The following WNT9B variants were observed in gnomAD, a reference collection of about 807,000 sequenced individuals.
WNT9B encodes the protein Wnt family member 9B, also known as protein Wnt-9b.
Under a neutral mutation model 30.2 loss-of-function variants are expected in WNT9B, and 12 were observed. That is an observed-to-expected ratio of 0.40 (90% confidence interval 0.26 to 0.64). The LOEUF (loss-of-function observed/expected upper bound fraction) is 0.64. Among genes scored for constraint, WNT9B ranks in the 30% least tolerant of loss-of-function variants. The pLI, the probability that WNT9B is intolerant of heterozygous loss-of-function variation, is 0.42. For missense variants in WNT9B, 442 were observed against 485.2 expected, an observed-to-expected ratio of 0.91 and a Z score of 0.84; for synonymous variants, 218 against 216.9, an observed-to-expected ratio of 1.01 and a Z score of -0.05.
exon 1 of WNT9B, chr17:46,833,357 G>C (rs761691158): frequency 4.2e-5 from 22 of 518,372 alleles, no homozygotes; most frequent in African/African-American, 7.7e-5. Context: ...TGAAAGGACG[G>C]GCAGTTTCTT....
At position 46,844,107 on chromosome 17, in the gene WNT9B, CA is replaced by C. The variant is rs533864082; in HGVS notation, c.95+10669del. 6.7e-3 allele frequency among the ~76,000 whole-genome samples: 1,025 copies of C among 152,168 alleles called. 15 individuals are homozygous for C. The highest frequency in any genetic ancestry group is 0.011 in the Non-Finnish European group (754 of 68,016). On this transcript the variant is annotated intron_variant, in intron 1 of 2. Transcript: ENST00000575372. ...TAGCTGGGACTACAGGCATGTGCCA[CA>C]ATGCCTGGCTAATTTTTTTTTTCTT... is the stretch of plus-strand genomic sequence containing the variant.
chr17:46,858,951 G>T (rs990347019), intron 1 of WNT9B, among the ~76,000 whole-genome samples: 1 of 151,156 alleles, frequency 6.6e-6, no homozygotes, highest in Non-Finnish European at 1.5e-5. Context: ...ATTGGCATGA[G>T]CCACAGCTAG....
At chr17:46,869,073 T>C (rs542255821) in intron 1 of WNT9B, among the ~76,000 whole-genome samples, 1 of 152,292 alleles carries the variant, frequency 6.6e-6, no homozygotes, top group Admixed American at 6.5e-5. Context: ...TCATGGGCCC[T>C]GTGGGGTTCC....
intron 3 of WNT9B, 42 bp from the exon 4 acceptor site, chr17:46,876,203 G>T: frequency 6.5e-7 from 1 of 1,537,630 alleles, no homozygotes; most frequent in Admixed American, 1.9e-5. Flanking sequence ...TGGCTGCTGG[G>T]CCCAGGCCTC....
intron 1 of WNT9B, among the ~76,000 whole-genome samples, chr17:46,836,095 C>CGTGAGTGTGTGTGTGTGT: frequency 7.9e-6 from 1 of 126,502 alleles, no homozygotes; most frequent in East Asian, 2.7e-4. Flanking sequence ...GAGACGCTGA[C>CGTGAGTGTGTGTGTGTGT]GTGTGTGTGT....
intron 1 of WNT9B, among the ~76,000 whole-genome samples, chr17:46,842,544 A>G (rs912811694): frequency 1.3e-5 from 2 of 151,602 alleles, no homozygotes; most frequent in South Asian, 4.2e-4. Context: ...CCAGCTATTA[A>G]TTTTTTTTGT....
chr17:46,852,310 C>A (rs188108362), intron 1 of WNT9B, among the ~76,000 whole-genome samples: 261 of 152,122 alleles, frequency 1.7e-3, no homozygotes, highest in African/African-American at 5.8e-3. Flanking sequence ...AGGAACCGTG[C>A]GCTGGGGAAA....
intron 1 of WNT9B, among the ~76,000 whole-genome samples, chr17:46,861,883 G>A (rs1487824950): frequency 2.6e-5 from 4 of 152,170 alleles, no homozygotes; most frequent in Non-Finnish European, 5.9e-5. Flanking sequence ...AGAAAAGTAG[G>A]CCGGGTGCAG....
intron 1 of WNT9B, among the ~76,000 whole-genome samples, chr17:46,858,864 G>A (rs2084984173): frequency 6.6e-6 from 1 of 151,770 alleles, no homozygotes. Context: ...ATGGGGTTTT[G>A]CTATGTTGCT....
At chr17:46,858,550 T>A (rs1464142835) in intron 1 of WNT9B, among the ~76,000 whole-genome samples, 1 of 152,212 alleles carries the variant, frequency 6.6e-6, no homozygotes, top group Non-Finnish European at 1.5e-5. Flanking sequence ...CTTCTGCTGC[T>A]TTTGAGTAAG....
chr17:46,876,375 C>G lies in WNT9B; in HGVS notation c.731C>G (p.Ser244Trp), dbSNP rs115163288. The change falls in exon 4 of 4, where the codon TCG becomes TGG. Residue 244 changes from serine (S) to tryptophan (W), a missense_variant. Ser to Trp is a radical substitution (Grantham distance 177). Transcript: ENST00000290015. ...TGQVLKLRYD[S>W]AVKVSSATNE... is the part of the protein sequence containing the mutation. ...CAGGTGCTGAAACTGCGCTATGACT[C>G]GGCTGTCAAGGTGTCCAGTGCCACC... 2.5e-6 allele frequency: 4 copies of G among 1,613,874 alleles called. No individual in the cohort carries two copies. In the Admixed American group the frequency reaches 6.7e-5, roughly 27 times the overall value.
At chr17:46,844,832 T>TTC (rs58865020) in intron 1 of WNT9B, among the ~76,000 whole-genome samples, 1 of 150,100 alleles carries the variant, frequency 6.7e-6, no homozygotes, top group Non-Finnish European at 1.5e-5. Flanking sequence ...CCTTCCTTCC[T>TTC]CTTTCTTCTT....
At chr17:46,884,347 C>A (rs1294347581), downstream of WNT9B, among the ~76,000 whole-genome samples, 1 of 152,172 alleles carries the variant, frequency 6.6e-6, no homozygotes, top group African/African-American at 2.4e-5. Context: ...CAGAGCTGCG[C>A]AGGTGTTGCA....
Position 46,878,953 on chromosome 17 carries a change from C to T in WNT9B, c.*2235C>T, listed in dbSNP as rs1413643679. On this transcript the variant is annotated 3_prime_UTR_variant, in exon 4 of 4. Coordinates refer to ENST00000290015, the MANE Select transcript of WNT9B (RefSeq NM_003396.3). ...CTCTCTCCCTCTCTTCTTCCTTGCT[C>T]TCATCCCTTTCTTTTCCAGTTACCC... Among the ~76,000 whole-genome samples, 4 of 152,188 alleles carry T rather than the reference C, an allele frequency of 2.6e-5. No homozygotes were observed. Among genetic ancestry groups the T allele is most frequent in the Non-Finnish European group, 5.9e-5 (4 of 68,038 alleles).
intron 1 of WNT9B, among the ~76,000 whole-genome samples, chr17:46,855,186 G>A (rs1453379585): frequency 6.6e-6 from 1 of 152,242 alleles, no homozygotes; most frequent in East Asian, 1.9e-4. Flanking sequence ...AAGACAGTAT[G>A]ATTCCCCCAG....
Position 46,876,299 on chromosome 17 carries a change from T to C in WNT9B, c.655T>C (p.Cys219Arg). Residue 219 changes from cysteine to arginine, a missense_variant, in exon 4 of 4, where the codon TGT (cysteine) becomes CGT (arginine). Transcript: ENST00000290015. ...TAAGTGCCATGGCGTATCAGGCTCCTGTGCCGTGCGCACCTGCTGGAAGCA... is the reference window on the plus strand; with the variant it reads ...TAAGTGCCATGGCGTATCAGGCTCCCGTGCCGTGCGCACCTGCTGGAAGCA... ...TCKCHGVSGS[C>R]AVRTCWKQLS... 6.2e-7 allele frequency: 1 copy of C among 1,614,148 alleles called. No homozygotes were observed. Among genetic ancestry groups the C allele is most frequent in the Non-Finnish European group, 8.5e-7 (1 of 1,180,008 alleles).
In WNT9B at chr17:46,878,713, G is replaced by A. The variant is rs2085383267; in HGVS notation, c.*1995G>A. Among the ~76,000 whole-genome samples, 1 of 152,144 alleles carries A rather than the reference G, an allele frequency of 6.6e-6. No homozygotes were observed. Among genetic ancestry groups the A allele is most frequent in the Non-Finnish European group, 1.5e-5 (1 of 68,026 alleles). ...AGCAGGGACCTCACTGGCAGAGCAG[G>A]GGGCCTGGGAGCAACGTGGAGGCCA... On this transcript the variant is annotated 3_prime_UTR_variant, in exon 4 of 4. Transcript: ENST00000290015.
rs149769394 is a variant in WNT9B at position 46,866,068 on chromosome 17, C to T, written c.78-6449C>T. On this transcript the variant is annotated intron_variant, in intron 1 of 3. Coordinates refer to ENST00000290015, the MANE Select transcript of WNT9B (RefSeq NM_003396.3). ...CTTCCGAATTTGCCTGGCTGCAGGA[C>T]GTCATGGAGGAGGTGCAAGGTGGCA... Among the ~76,000 whole-genome samples the T allele has an allele frequency of 9.5e-3, 1,450 of 152,146 alleles. 29 individuals carry two copies. Among genetic ancestry groups the T allele is most frequent in the African/African-American group, 0.033 (1,354 of 41,474 alleles).
In WNT9B at chr17:46,876,590, T is replaced by C; in HGVS notation, c.946T>C (p.Cys316Arg). The C allele has an allele frequency of 6.2e-7, 1 of 1,613,426 alleles. No individual in the cohort carries two copies. The highest frequency in any genetic ancestry group is 8.5e-7 in the Non-Finnish European group (1 of 1,179,870). ...SREASCSSLC[C>R]GRGYDTQSRL... ...GGAGGCCAGCTGCAGCAGCCTGTGC[T>C]GCGGGCGGGGCTATGACACCCAGAG... The change falls in exon 4 of 4, where the codon TGC (cysteine) becomes CGC (arginine). Residue 316 changes from cysteine (C) to arginine (R), a missense_variant. By Grantham distance (180) the Cys-to-Arg change is radical. Transcript: ENST00000290015.
Sources: allele counts gnomAD v4.1 joint callset (sites outside exome capture counted in the v4.1 genomes callset), GRCh38; gene constraint gnomAD v4.1.1; transcripts MANE v1.5; gene names NCBI Gene and HGNC (gene_info 2026-07-23, HGNC 2026-07-21).